KDM3B: variants seen among roughly 807,000 people sequenced by gnomAD.
The protein encoded by KDM3B is lysine-specific demethylase 3B.
Under a neutral mutation model 170.0 loss-of-function variants are expected in KDM3B, and 10 were observed. The observed-to-expected ratio is 0.06, with a 90% CI of 0.04 to 0.10. The LOEUF is 0.10. KDM3B is among the 10% of genes least tolerant of loss of function. The probability of loss-of-function intolerance (pLI) is 1.00; values close to 1 mark genes in which losing one functional copy is unlikely to be tolerated. For synonymous variants in KDM3B, 831 were observed against 834.8 expected (o/e 1.00, Z 0.08); for missense variants, 1,394 against 2,195.2 (o/e 0.64, Z 7.29).
chr5:138,410,279 A>C (rs1374813778), intron 11 of KDM3B, among the ~76,000 whole-genome samples: 1 of 152,220 alleles, frequency 6.6e-6, no homozygotes, highest in Non-Finnish European at 1.5e-5. Context: ...CAATTTTGAA[A>C]TAGAGTCAAG....
Position 138,436,433 on chromosome 5 carries a change from T to C in KDM3B, c.*733T>C, listed in dbSNP as rs1237974913. The C allele has an allele frequency of 1.3e-5, 2 of 152,192 alleles. No homozygotes were observed. The highest frequency in any genetic ancestry group is 2.9e-5 in the Non-Finnish European group (2 of 68,040). 9.4% of individuals were successfully genotyped at this position (152,192 alleles called of 1,614,324 possible). A position where few individuals can be genotyped will look rare whatever the true frequency, so the allele number is the denominator to read the frequency against. On this transcript the variant is annotated 3_prime_UTR_variant, in exon 24 of 24. Coordinates refer to ENST00000314358, the MANE Select transcript of KDM3B (RefSeq NM_016604.4). ...TAGTCTTCCTTTCGATATAAAACTC[T>C]TTGAAGAAATATGATTTTTAGAAAT... is the stretch of plus-strand genomic sequence containing the variant.
chr5:138,425,679 C>A, intron 17 of KDM3B, 97 bp downstream of exon 17: 1 of 1,052,222 alleles, frequency 9.5e-7, no homozygotes, highest in Non-Finnish European at 1.4e-6. Flanking sequence ...TATTCTGGGG[C>A]ATAATGGGAC....
rs1354741760 is a variant in KDM3B, at chr5:138,436,654, A to C, written c.*954A>C. On this transcript the variant is annotated 3_prime_UTR_variant, in exon 24 of 24. Transcript: ENST00000314358. ...ACTGGTGACTCCAGGAACCATTTTCACCTATTACCAGTGTTCCCTGGGGAC... is the reference window on the plus strand; with the variant it reads ...ACTGGTGACTCCAGGAACCATTTTCCCCTATTACCAGTGTTCCCTGGGGAC... The C allele has an allele frequency of 1.3e-5, 2 of 152,148 alleles. No homozygotes were observed. The highest frequency in any genetic ancestry group is 4.8e-5 in the African/African-American group (2 of 41,422). 9.4% of individuals were successfully genotyped at this position (152,148 alleles called of 1,614,324 possible).
chr5:138,431,481 T>C lies in KDM3B; in HGVS notation c.5127T>C (p.His1709=), dbSNP rs1178014326. The change falls in exon 23 of 24, where the codon CAT becomes CAC. Residue 1709 remains histidine (H), a synonymous_variant. Coordinates refer to ENST00000314358, the MANE Select transcript of KDM3B (RefSeq NM_016604.4). ...KVAEDFVSPE[H]VKHCFRLTQE... ...CAGAAGACTTTGTATCTCCAGAACA[T>C]GTAAAGCACTGTTTCCGCCTGACTC... 3.1e-6 allele frequency: 5 copies of C among 1,612,684 alleles called. No homozygotes were observed. Among genetic ancestry groups the C allele is most frequent in the Admixed American group, 3.3e-5 (2 of 59,888 alleles).
chr5:138,400,886 ACTTTTTTCT>A (rs1762667286), intron 11 of KDM3B, among the ~76,000 whole-genome samples: 1 of 142,878 alleles, frequency 7.0e-6, no homozygotes, highest in Non-Finnish European at 1.5e-5. Context: ...CCACTAGTCC[ACTTTTTTCT>A]CTTTTTTTTT....
intron 11 of KDM3B, among the ~76,000 whole-genome samples, chr5:138,413,261 T>C (rs932661389): frequency 7.9e-5 from 12 of 151,906 alleles, no homozygotes; most frequent in Admixed American, 3.9e-4. Flanking sequence ...CACGCACTTG[T>C]AGTCTCAGCT....
At chr5:138,355,870 A>G (rs1263492720) in intron 1 of KDM3B, among the ~76,000 whole-genome samples, 2 of 152,252 alleles carry the variant, frequency 1.3e-5, no homozygotes, top group Admixed American at 1.3e-4. Context: ...TTTACACAAG[A>G]AAAACCAGCA....
At chr5:138,405,172 T>C (rs1227222903) in intron 11 of KDM3B, among the ~76,000 whole-genome samples, 5 of 151,978 alleles carry the variant, frequency 3.3e-5, no homozygotes, top group Non-Finnish European at 5.9e-5. Flanking sequence ...GCCTCCCAAG[T>C]AGCTGGGATT....
chr5:138,415,039 G>GA, intron 11 of KDM3B, 93 bp from the exon 12 acceptor site: 1 of 720,866 alleles, frequency 1.4e-6, no homozygotes, highest in Non-Finnish European at 2.3e-6. Context: ...TCAGCCATGA[G>GA]AAAATTGGCC....
intron 11 of KDM3B, among the ~76,000 whole-genome samples, chr5:138,407,858 A>G (rs1028392850): frequency 1.3e-5 from 2 of 152,196 alleles, no homozygotes; most frequent in African/African-American, 2.4e-5. Context: ...AATAGTAGTT[A>G]GGGTTACCAC....
chr5:138,420,168 G>A (rs1407803450), intron 14 of KDM3B, among the ~76,000 whole-genome samples: 1 of 152,200 alleles, frequency 6.6e-6, no homozygotes, highest in African/African-American at 2.4e-5. Context: ...GATTATAGGC[G>A]TGAGCCACCA....
rs1354741760 is a variant in KDM3B, at chr5:138,436,654, A to T, written c.*954A>T. ...ACTGGTGACTCCAGGAACCATTTTC[A>T]CCTATTACCAGTGTTCCCTGGGGAC... On this transcript the variant is annotated 3_prime_UTR_variant, in exon 24 of 24. Coordinates refer to ENST00000314358, the MANE Select transcript of KDM3B (RefSeq NM_016604.4). 6.6e-6 allele frequency: 1 copy of T among 152,148 alleles called. No individual in the cohort carries two copies. The allele number at this position is 152,148 out of a possible 1,614,324, so 9.4% of individuals were successfully genotyped here.
At chr5:138,388,124 T>C (rs1762330055) in intron 7 of KDM3B, among the ~76,000 whole-genome samples, 1 of 151,976 alleles carries the variant, frequency 6.6e-6, no homozygotes, top group Non-Finnish European at 1.5e-5. Flanking sequence ...TCAAAGGCAG[T>C]GTGAATGTAA....
intron 7 of KDM3B, among the ~76,000 whole-genome samples, chr5:138,386,874 T>G (rs1762277265): frequency 1.3e-5 from 2 of 152,236 alleles, no homozygotes; most frequent in Admixed American, 1.3e-4. Context: ...TAAAGACATG[T>G]TAAAGTAGAT....
intron 15 of KDM3B, among the ~76,000 whole-genome samples, chr5:138,422,967 T>G (rs1449013756): frequency 6.6e-6 from 1 of 152,154 alleles, no homozygotes; most frequent in Admixed American, 6.5e-5. Flanking sequence ...TTTGAGACAG[T>G]CTCACTCTGT....
intron 12 of KDM3B, among the ~76,000 whole-genome samples, chr5:138,416,363 G>A (rs191583694): frequency 6.4e-4 from 97 of 152,152 alleles, no homozygotes; most frequent in Non-Finnish European, 1.0e-3. Context: ...GTTGAGGCGG[G>A]TGAATCACTT....
chr5:138,418,931 ATGTTGGCCTTC>A lies in KDM3B; in HGVS notation c.3436-19_3436-9del. On this transcript the variant is annotated splice_polypyrimidine_tract_variant and intron_variant, in intron 13 of 23. Coordinates refer to ENST00000314358, the MANE Select transcript of KDM3B (RefSeq NM_016604.4). The stretch of plus-strand genomic sequence containing the variant: ...TCTACCCAAGCACAGCACTCTAATT[ATGTTGGCCTTC>A]TGCATTTTAGCTTCCTAGCATAAAC... 1 of 1,609,758 alleles carries A rather than the reference ATGTTGGCCTTC, an allele frequency of 6.2e-7. No homozygotes were observed. Among genetic ancestry groups the A allele is most frequent in the Non-Finnish European group, 8.5e-7 (1 of 1,176,612 alleles).
At chr5:138,426,574 CA>C (rs566978034) in intron 17 of KDM3B, among the ~76,000 whole-genome samples, 24,131 of 69,202 alleles carry the variant, frequency 0.35, 2,342 homozygotes, top group East Asian at 0.49. Context: ...GACTCCATCT[CA>C]AAAAAAAAAA....
At chr5:138,366,355 C>T (rs1310096422) in intron 1 of KDM3B, among the ~76,000 whole-genome samples, 2 of 151,912 alleles carry the variant, frequency 1.3e-5, no homozygotes, top group South Asian at 2.1e-4. Context: ...TTTTTTGAGA[C>T]AGGGTCTCAC....
Sources: allele counts gnomAD v4.1 joint callset (sites outside exome capture counted in the v4.1 genomes callset), GRCh38; gene constraint gnomAD v4.1.1; transcripts MANE v1.5; gene names NCBI Gene and HGNC (gene_info 2026-07-23, HGNC 2026-07-21).